UVRAG: variants seen among roughly 807,000 people sequenced by gnomAD.
The protein encoded by UVRAG is UV radiation resistance associated, also known as UV radiation resistance-associated gene protein.
A neutral mutation model predicts 78.0 loss-of-function variants in UVRAG; 19 were observed. The observed-to-expected ratio is 0.24, with a 90% CI of 0.17 to 0.36. The LOEUF (loss-of-function observed/expected upper bound fraction) is 0.36. UVRAG is among the 10% of genes least tolerant of loss of function. The probability of loss-of-function intolerance (pLI) is 1.00; values close to 1 mark genes in which losing one functional copy is unlikely to be tolerated. For synonymous variants in UVRAG, 323 were observed against 324.6 expected (o/e 1.00, Z 0.05); for missense variants, 740 against 853.8 (o/e 0.87, Z 1.66).
intron 13 of UVRAG, among the ~76,000 whole-genome samples, chr11:76,080,588 A>C (rs1951477488): frequency 6.6e-6 from 1 of 152,170 alleles, no homozygotes; most frequent in Non-Finnish European, 1.5e-5. Context: ...CAAATGGTTA[A>C]TGGTGAACCT....
At chr11:75,943,833 G>T (rs1173364757) in intron 6 of UVRAG, among the ~76,000 whole-genome samples, 1 of 152,104 alleles carries the variant, frequency 6.6e-6, no homozygotes, top group Non-Finnish European at 1.5e-5. Flanking sequence ...CCATGAGATT[G>T]TGTTCTTCCC....
chr11:75,846,500 C>T (rs1424792532), intron 1 of UVRAG, among the ~76,000 whole-genome samples: 1 of 152,040 alleles, frequency 6.6e-6, no homozygotes, highest in East Asian at 1.9e-4. Context: ...CCTATGTTAT[C>T]TTCTAGGACT....
intron 1 of UVRAG, among the ~76,000 whole-genome samples, chr11:75,823,355 T>G (rs1407193248): frequency 2.0e-5 from 3 of 152,128 alleles, no homozygotes; most frequent in Non-Finnish European, 1.5e-5. Context: ...GAGGGTAGAG[T>G]ATCTACATAA....
At chr11:76,031,078 A>G (rs879432909) in intron 12 of UVRAG, among the ~76,000 whole-genome samples, 13 of 152,064 alleles carry the variant, frequency 8.5e-5, no homozygotes, top group Non-Finnish European at 1.8e-4. Flanking sequence ...AGTTTTTGCA[A>G]ATTCTATTAG....
At chr11:75,964,550 T>G (rs537796895) in intron 7 of UVRAG, among the ~76,000 whole-genome samples, 66 of 152,382 alleles carry the variant, frequency 4.3e-4, no homozygotes, top group African/African-American at 1.6e-3. Flanking sequence ...TGTTCTAAAT[T>G]GTATTTCCAT....
At chr11:75,877,113 C>T (rs530106716) in intron 3 of UVRAG, among the ~76,000 whole-genome samples, 35 of 151,668 alleles carry the variant, frequency 2.3e-4, no homozygotes, top group African/African-American at 8.0e-4. Flanking sequence ...GCCCTTAATC[C>T]ATTTAACCCT....
rs35112254 is a variant in UVRAG at position 76,020,649 on chromosome 11, C to CTT, written c.1226+3692_1226+3693dup. Among the ~76,000 whole-genome samples, 117 of 52,030 alleles carry CTT rather than the reference C, an allele frequency of 2.2e-3. 1 individual carries two copies. The highest frequency in any genetic ancestry group is 2.6e-3 in the African/African-American group (35 of 13,328). 34.1% of individuals were successfully genotyped at this position (52,030 alleles called of 152,430 possible). ...CTCCCAACAAGCAGAAAGAAGGAGT[C>CTT]TTTTTTTTTTTTTTTTTTTTTTTTG... On this transcript the variant is annotated intron_variant, in intron 12 of 14. Coordinates refer to ENST00000356136, the MANE Select transcript of UVRAG (RefSeq NM_003369.4).
At chr11:76,053,481 T>C (rs140888533) in intron 12 of UVRAG, among the ~76,000 whole-genome samples, 8 of 152,204 alleles carry the variant, frequency 5.3e-5, no homozygotes, top group Non-Finnish European at 1.0e-4. Flanking sequence ...TAACAATCAA[T>C]CCATCACAAA....
chr11:75,910,178 G>A (rs1947704359), intron 5 of UVRAG, among the ~76,000 whole-genome samples: 1 of 152,170 alleles, frequency 6.6e-6, no homozygotes, highest in African/African-American at 2.4e-5. Flanking sequence ...GCATAAAGTT[G>A]TTAATAATAT....
chr11:76,066,448 G>T (rs913280188), intron 13 of UVRAG, among the ~76,000 whole-genome samples: 1 of 152,076 alleles, frequency 6.6e-6, no homozygotes, highest in South Asian at 2.1e-4. Flanking sequence ...TATAAAGGAA[G>T]ACTAACTTCC....
intron 1 of UVRAG, among the ~76,000 whole-genome samples, chr11:75,846,135 G>A (rs955969768): frequency 6.6e-6 from 1 of 152,158 alleles, no homozygotes; most frequent in African/African-American, 2.4e-5. Context: ...TCAAAGCATT[G>A]ATATTTATGC....
chr11:76,133,953 CTTTTCTTTTTTTT>C, intron 14 of UVRAG, among the ~76,000 whole-genome samples: 1 of 142,108 alleles, frequency 7.0e-6, no homozygotes, highest in African/African-American at 2.6e-5. Flanking sequence ...TTCTTTTTTT[CTTTTCTTTTTTTT>C]TTTTTGAGAC....
intron 1 of UVRAG, among the ~76,000 whole-genome samples, chr11:75,834,561 T>A (rs1255874600): frequency 6.6e-6 from 1 of 152,148 alleles, no homozygotes; most frequent in Non-Finnish European, 1.5e-5. Context: ...ACACCTGCAA[T>A]CCCAGCACTT....
At chr11:75,941,646 G>C (rs1274685468) in intron 6 of UVRAG, among the ~76,000 whole-genome samples, 6 of 152,110 alleles carry the variant, frequency 3.9e-5, no homozygotes, top group Admixed American at 2.0e-4. Context: ...TGGTCAACCT[G>C]TATCACCATA....
At chr11:76,001,489 G>A (rs1383046119) in intron 8 of UVRAG, among the ~76,000 whole-genome samples, 1 of 152,190 alleles carries the variant, frequency 6.6e-6, no homozygotes, top group African/African-American at 2.4e-5. Flanking sequence ...TGAAAGAGTA[G>A]AGGATATCAA....
chr11:76,008,728 C>T, intron 10 of UVRAG, 79 bp from the exon 11 acceptor site: 3 of 772,898 alleles, frequency 3.9e-6, no homozygotes, highest in Non-Finnish European at 6.3e-6. Flanking sequence ...TTTGAGTCAG[C>T]ACCGACCTGC....
rs1046859438 is a variant in UVRAG at position 76,143,577 on chromosome 11, G to T, written c.*2164G>T. ...CATTTGCCTCGACCCACACAGCCCC[G>T]TGGTGATGCCTCAAAACACCACTTA... On this transcript the variant is annotated 3_prime_UTR_variant, in exon 15 of 15. Transcript: ENST00000356136. Among the ~76,000 whole-genome samples the T allele has an allele frequency of 1.3e-5, 2 of 152,214 alleles. No homozygotes were observed. The highest frequency in any genetic ancestry group is 2.9e-5 in the Non-Finnish European group (2 of 68,028).
At chr11:75,876,697 A>G (rs951265011) in intron 3 of UVRAG, among the ~76,000 whole-genome samples, 5 of 151,026 alleles carry the variant, frequency 3.3e-5, no homozygotes, top group African/African-American at 1.2e-4. Context: ...TTGGTCAGGA[A>G]AAAAAAAAAA....
At chr11:75,821,113 T>C (rs1018330161) in intron 1 of UVRAG, among the ~76,000 whole-genome samples, 2 of 152,178 alleles carry the variant, frequency 1.3e-5, no homozygotes, top group African/African-American at 2.4e-5. Context: ...GTAAATTCTG[T>C]TCTACTTTCT....
Sources: gnomAD v4.1 joint callset for allele counts (sites outside exome capture counted in the v4.1 genomes callset) on GRCh38, gnomAD v4.1.1 for gene constraint, MANE v1.5 for transcripts, NCBI Gene and HGNC (gene_info 2026-07-23, HGNC 2026-07-21) for gene names.